MALRD1: variants seen among roughly 807,000 people sequenced by gnomAD.
MALRD1 encodes MAM and LDL receptor class A domain containing 1.
Under a neutral mutation model 242.1 loss-of-function variants are expected in MALRD1, and 247 were observed. The observed-to-expected ratio is 1.02, with a 90% CI of 0.92 to 1.13. The LOEUF (loss-of-function observed/expected upper bound fraction) is 1.13, where lower values mean the gene tolerates loss of function less well. MALRD1 is among the 50% of genes most tolerant of loss of function. The probability of loss-of-function intolerance (pLI) is 0.00; values close to 1 mark genes in which losing one functional copy is unlikely to be tolerated. For missense variants in MALRD1, 2,989 were observed against 2,533.1 expected, an observed-to-expected ratio of 1.18 and a Z score of -3.86; for synonymous variants, 995 against 866.6, an observed-to-expected ratio of 1.15 and a Z score of -2.60.
intron 36 of MALRD1, among the ~76,000 whole-genome samples, chr10:19,674,790 C>G (rs995879050): frequency 6.6e-6 from 1 of 151,956 alleles, no homozygotes; most frequent in South Asian, 2.1e-4. Flanking sequence ...AGACTGGTTT[C>G]TATTGACTTG....
intron 32 of MALRD1, among the ~76,000 whole-genome samples, chr10:19,539,633 A>G (rs1409521170): frequency 1.3e-5 from 2 of 152,070 alleles, no homozygotes; most frequent in African/African-American, 4.8e-5. Context: ...TGTCTTACCA[A>G]TAGTTGCCTG....
chr10:19,587,821 T>C (rs938683830), intron 33 of MALRD1, among the ~76,000 whole-genome samples: 19 of 151,990 alleles, frequency 1.3e-4, no homozygotes, highest in African/African-American at 3.6e-4. Flanking sequence ...TAGCACAAAG[T>C]GAAGTGGAGT....
At chr10:19,430,992 CA>C (rs1834105848) in intron 28 of MALRD1, among the ~76,000 whole-genome samples, 1 of 151,928 alleles carries the variant, frequency 6.6e-6, no homozygotes, top group Non-Finnish European at 1.5e-5. Flanking sequence ...GTTAATAAGC[CA>C]TTTTTTAATT....
chr10:19,523,916 T>A (rs1833983643), intron 31 of MALRD1, among the ~76,000 whole-genome samples: 1 of 152,190 alleles, frequency 6.6e-6, no homozygotes, highest in Admixed American at 6.5e-5. Flanking sequence ...TGTTTTTATT[T>A]AAGAGGCAAT....
intron 12 of MALRD1, among the ~76,000 whole-genome samples, chr10:19,159,032 G>T (rs1205896078): frequency 6.6e-6 from 1 of 152,182 alleles, no homozygotes; most frequent in Non-Finnish European, 1.5e-5. Context: ...GTCTACAGAG[G>T]AAAGGGCGAG....
At chr10:19,244,568 A>C (rs999472433) in intron 18 of MALRD1, among the ~76,000 whole-genome samples, 1 of 152,044 alleles carries the variant, frequency 6.6e-6, no homozygotes. Context: ...CTGTTTCAAA[A>C]AAACAAAAAA....
At chr10:19,273,786 G>A (rs72796444) in intron 19 of MALRD1, among the ~76,000 whole-genome samples, 15,600 of 152,176 alleles carry the variant, frequency 0.1, 850 homozygotes, top group Middle Eastern at 0.12. Context: ...GCATGATACT[G>A]TAATTGCTGA....
At chr10:19,618,346 C>G (rs971727840) in intron 36 of MALRD1, among the ~76,000 whole-genome samples, 1 of 152,018 alleles carries the variant, frequency 6.6e-6, no homozygotes, top group Non-Finnish European at 1.5e-5. Flanking sequence ...TGGGTATATA[C>G]CCAGTAATGG....
At chr10:19,196,332 A>G (rs1382100340) in intron 14 of MALRD1, among the ~76,000 whole-genome samples, 1 of 151,980 alleles carries the variant, frequency 6.6e-6, no homozygotes, top group Non-Finnish European at 1.5e-5. Context: ...CACTTTCTTT[A>G]AACTTTCTCT....
At chr10:19,171,791 C>CA (rs1834980262) in intron 13 of MALRD1, among the ~76,000 whole-genome samples, 1 of 141,336 alleles carries the variant, frequency 7.1e-6, no homozygotes, top group Non-Finnish European at 1.5e-5. Flanking sequence ...ATCATATATA[C>CA]ATATATGTGT....
Position 19,491,621 on chromosome 10 carries a change from G to C in MALRD1, c.5134G>C (p.Asp1712His). 6.5e-7 allele frequency: 1 copy of C among 1,549,752 alleles called. No homozygotes were observed. The highest frequency in any genetic ancestry group is 8.7e-7 in the Non-Finnish European group (1 of 1,146,730). ...LLCDYKPDCS[D>H]RSDEAHCAHY... ...TTGTGACTATAAGCCAGACTGCTCTGATAGGTCTGATGAAGCTCACTGTGG... is the reference window on the plus strand; with the variant it reads ...TTGTGACTATAAGCCAGACTGCTCTCATAGGTCTGATGAAGCTCACTGTGG... Residue 1712 changes from aspartate (D) to histidine (H), a missense_variant, in exon 30 of 40, where the codon GAT becomes CAT. Asp to His is a moderately conservative substitution (Grantham distance 81). Coordinates refer to ENST00000454679, the MANE Select transcript of MALRD1 (RefSeq NM_001142308.3).
At chr10:19,121,733 G>T (rs1340578760) in intron 5 of MALRD1, among the ~76,000 whole-genome samples, 1 of 150,160 alleles carries the variant, frequency 6.7e-6, no homozygotes, top group Admixed American at 6.6e-5. Context: ...CGCTCCTACA[G>T]GGGGCAAAGC....
chr10:19,542,761 T>C (rs7074543), intron 32 of MALRD1, among the ~76,000 whole-genome samples: 129,842 of 152,124 alleles, frequency 0.85, 55,423 homozygotes, highest in African/African-American at 0.86. Context: ...TCTATCCTTA[T>C]TGTTTTTGGC....
rs555926865 is a variant in MALRD1, at chr10:19,731,006, T to C, written c.6390+225T>C. 1.4e-4 allele frequency among the ~76,000 whole-genome samples: 22 copies of C among 152,350 alleles called. 1 individual carries two copies. The East Asian group carries it at 4.0e-3, about 28-fold the overall frequency. ...GGACAGTTTCAGTCTGCTTGTAAGATCACTTCACTGTTAAATGGTGTTGTG... is the reference window on the plus strand; with the variant it reads ...GGACAGTTTCAGTCTGCTTGTAAGACCACTTCACTGTTAAATGGTGTTGTG... On this transcript the variant is annotated intron_variant, in intron 39 of 39. Coordinates refer to ENST00000454679, the MANE Select transcript of MALRD1 (RefSeq NM_001142308.3).
intron 18 of MALRD1, among the ~76,000 whole-genome samples, chr10:19,249,633 G>T (rs916687577): frequency 6.6e-6 from 1 of 151,840 alleles, no homozygotes; most frequent in African/African-American, 2.4e-5. Flanking sequence ...TAGAGAAGAC[G>T]AACATTAAAT....
intron 18 of MALRD1, among the ~76,000 whole-genome samples, chr10:19,235,451 A>AT (rs1838267959): frequency 7.2e-6 from 1 of 138,028 alleles, no homozygotes; most frequent in African/African-American, 2.8e-5. Flanking sequence ...TCCTTTGCCC[A>AT]TTTTTTAATC....
At chr10:19,282,933 CAA>C in intron 20 of MALRD1, 84 bp from the exon 21 acceptor site, 2 of 931,572 alleles carry the variant, frequency 2.1e-6, no homozygotes, top group East Asian at 6.4e-5. Flanking sequence ...GAATTAAAAA[CAA>C]GAGTAAGAAA....
intron 36 of MALRD1, among the ~76,000 whole-genome samples, chr10:19,631,480 G>T (rs542749411): frequency 4.6e-5 from 7 of 152,172 alleles, no homozygotes; most frequent in African/African-American, 1.7e-4. Context: ...TTTATGGTAG[G>T]ACAATTTATA....
chr10:19,351,605 A>G (rs185748194), intron 25 of MALRD1, among the ~76,000 whole-genome samples: 1 of 152,320 alleles, frequency 6.6e-6, no homozygotes, highest in Admixed American at 6.5e-5. Context: ...GAGATTAAAA[A>G]TAATCTTCTT....
Sources: gnomAD v4.1 joint callset for allele counts (sites outside exome capture counted in the v4.1 genomes callset) on GRCh38, gnomAD v4.1.1 for gene constraint, MANE v1.5 for transcripts, NCBI Gene and HGNC (gene_info 2026-07-23, HGNC 2026-07-21) for gene names.